GALNT10: variants seen among roughly 807,000 people sequenced by gnomAD.
GALNT10 encodes the protein polypeptide N-acetylgalactosaminyltransferase 10, also known as GalNAc transferase 10.
Under a neutral mutation model 75.0 loss-of-function variants are expected in GALNT10, and 41 were observed. The observed-to-expected ratio is 0.55, with a 90% CI of 0.43 to 0.71. GALNT10 has a LOEUF of 0.71. Ranked by LOEUF, GALNT10 falls within the 30% of genes least tolerant of loss-of-function variation. The probability of loss-of-function intolerance (pLI) is 0.00; values close to 1 mark genes in which losing one functional copy is unlikely to be tolerated. For synonymous variants in GALNT10, 302 were observed against 313.0 expected (o/e 0.96, Z 0.37); for missense variants, 727 against 818.5 (o/e 0.89, Z 1.36).
chr5:154,386,715 T>G, intron 7 of GALNT10: 1 of 565,318 alleles, frequency 1.8e-6, no homozygotes, highest in South Asian at 2.4e-5. Context: ...GAATAAGGTC[T>G]TGCTTCTACT....
chr5:154,288,315 G>A (rs1754142413), intron 1 of GALNT10, among the ~76,000 whole-genome samples: 1 of 152,106 alleles, frequency 6.6e-6, no homozygotes, highest in Non-Finnish European at 1.5e-5. Context: ...TTCTTGAGCA[G>A]AATGTAGTTG....
chr5:154,292,661 T>C (rs1312929563), intron 1 of GALNT10, among the ~76,000 whole-genome samples: 2 of 152,224 alleles, frequency 1.3e-5, no homozygotes, highest in Admixed American at 6.5e-5. Context: ...TGGTCCTAGC[T>C]CAGCTTCCAG....
chr5:154,379,583 AC>A (rs1329765931), intron 5 of GALNT10, among the ~76,000 whole-genome samples: 2 of 152,024 alleles, frequency 1.3e-5, no homozygotes, highest in East Asian at 3.9e-4. Context: ...GCTCACTGTT[AC>A]CCCCCAGCTG....
At chr5:154,228,981 T>A (rs574731281) in intron 1 of GALNT10, among the ~76,000 whole-genome samples, 1 of 152,348 alleles carries the variant, frequency 6.6e-6, no homozygotes, top group Non-Finnish European at 1.5e-5. Flanking sequence ...GCCTTTTTCA[T>A]TGTTTTCACC....
intron 2 of GALNT10, among the ~76,000 whole-genome samples, chr5:154,297,619 G>A (rs989871094): frequency 6.6e-6 from 1 of 152,130 alleles, no homozygotes; most frequent in Non-Finnish European, 1.5e-5. Flanking sequence ...AGTTCCTGAC[G>A]GAGTGAGGGG....
chr5:154,317,409 A>G (rs574956282), intron 3 of GALNT10, among the ~76,000 whole-genome samples: 29 of 152,308 alleles, frequency 1.9e-4, no homozygotes, highest in South Asian at 8.3e-4. Context: ...AGTATATTAT[A>G]TATGTCTCTG....
chr5:154,252,248 T>A (rs566752537), intron 1 of GALNT10, among the ~76,000 whole-genome samples: 2 of 152,162 alleles, frequency 1.3e-5, no homozygotes, highest in Non-Finnish European at 2.9e-5. Flanking sequence ...CACTTAGTTC[T>A]ACAGGTGAGT....
chr5:154,252,705 C>G (rs772180791), intron 1 of GALNT10, among the ~76,000 whole-genome samples: 1 of 151,838 alleles, frequency 6.6e-6, no homozygotes, highest in Non-Finnish European at 1.5e-5. Flanking sequence ...ATGTCCTGGG[C>G]TCTTTCAGTT....
At chr5:154,268,326 G>A (rs1242677080) in intron 1 of GALNT10, among the ~76,000 whole-genome samples, 1 of 152,170 alleles carries the variant, frequency 6.6e-6, no homozygotes, top group East Asian at 1.9e-4. Flanking sequence ...TGGAGCTTCA[G>A]ACTCCTACGA....
chr5:154,259,070 A>G (rs190314875), intron 1 of GALNT10, among the ~76,000 whole-genome samples: 177 of 152,318 alleles, frequency 1.2e-3, no homozygotes, highest in African/African-American at 3.4e-3. Flanking sequence ...ATTAACTTAT[A>G]TACCGATTTT....
At chr5:154,394,398 G>A (rs952311683) in intron 7 of GALNT10, among the ~76,000 whole-genome samples, 4 of 151,070 alleles carry the variant, frequency 2.6e-5, no homozygotes, top group East Asian at 1.9e-4. Flanking sequence ...GAAACAGGAC[G>A]TGTGAAAAGA....
intron 1 of GALNT10, among the ~76,000 whole-genome samples, chr5:154,220,899 CTTCTGAT>C (rs1752967457): frequency 6.6e-6 from 1 of 152,164 alleles, no homozygotes; most frequent in Non-Finnish European, 1.5e-5. Flanking sequence ...CCAGATCCTT[CTTCTGAT>C]TTTTCAAGAA....
chr5:154,300,097 A>T (rs1754338680), intron 3 of GALNT10, among the ~76,000 whole-genome samples: 1 of 151,996 alleles, frequency 6.6e-6, no homozygotes, highest in Admixed American at 6.5e-5. Flanking sequence ...CAGCCTCCCA[A>T]AGTGTCGGGA....
Position 154,209,380 on chromosome 5 carries a change from G to A in GALNT10, c.159+18355G>A, listed in dbSNP as rs185080175. Among the ~76,000 whole-genome samples, 3 of 152,326 alleles carry A rather than the reference G, an allele frequency of 2.0e-5. No individual in the cohort carries two copies. The East Asian group carries it at 5.8e-4, about 29-fold the overall frequency. ...AAGGGCCCAGAACCATTTTTGCATA[G>A]CAGGCAGTGAAGGTGGGTTTGGGGC... On this transcript the variant is annotated intron_variant, in intron 1 of 11. Coordinates refer to ENST00000297107, the MANE Select transcript of GALNT10 (RefSeq NM_198321.4).
chr5:154,210,517 C>T (rs1188895710), intron 1 of GALNT10, among the ~76,000 whole-genome samples: 1 of 152,194 alleles, frequency 6.6e-6, no homozygotes, highest in Admixed American at 6.5e-5. Context: ...TCAGCCCACT[C>T]AGGCATTAAA....
chr5:154,265,870 G>A (rs1753767705), intron 1 of GALNT10, among the ~76,000 whole-genome samples: 1 of 150,932 alleles, frequency 6.6e-6, no homozygotes, highest in East Asian at 2.0e-4. Flanking sequence ...GCAGTCACCT[G>A]GAGTTTTTCT....
At chr5:154,321,309 A>T (rs1477903466) in intron 3 of GALNT10, among the ~76,000 whole-genome samples, 1 of 76,202 alleles carries the variant, frequency 1.3e-5, no homozygotes, top group Non-Finnish European at 3.0e-5. Context: ...TCTCCTCAAA[A>T]CTTTTTTTTT....
chr5:154,411,245 A>G (rs940334709), intron 9 of GALNT10, among the ~76,000 whole-genome samples: 1 of 152,242 alleles, frequency 6.6e-6, no homozygotes, highest in African/African-American at 2.4e-5. Flanking sequence ...AAATGATGTC[A>G]GTCTCTTCTT....
At chr5:154,415,970 A>AT (rs368012241) in intron 11 of GALNT10, 38 bp downstream of exon 11, 1,029 of 1,570,860 alleles carry the variant, frequency 6.6e-4, no homozygotes, top group African/African-American at 2.0e-3. Context: ...CACCTGCTTA[A>AT]TTTTTTTTTA....
Sources: gnomAD v4.1 joint callset for allele counts (sites outside exome capture counted in the v4.1 genomes callset) on GRCh38, gnomAD v4.1.1 for gene constraint, MANE v1.5 for transcripts, NCBI Gene and HGNC (gene_info 2026-07-23, HGNC 2026-07-21) for gene names.